Variants in GRID2 observed in about 807,000 individuals in gnomAD.
The protein encoded by GRID2 is glutamate ionotropic receptor delta type subunit 2.
A neutral mutation model predicts 114.8 loss-of-function variants in GRID2; 33 were observed. The ratio of observed to expected loss-of-function variants is 0.29; its 90% CI spans 0.22 to 0.38. The LOEUF (loss-of-function observed/expected upper bound fraction) is 0.38, where lower values mean the gene tolerates loss of function less well. GRID2 is among the 10% of genes least tolerant of loss of function. The pLI is 1.00. For missense variants in GRID2, 1,184 were observed against 1,257.7 expected, an observed-to-expected ratio of 0.94 and a Z score of 0.89; for synonymous variants, 505 against 449.9, an observed-to-expected ratio of 1.12 and a Z score of -1.55.
At chr4:93,719,151 A>G (rs1258709423) in intron 14 of GRID2, among the ~76,000 whole-genome samples, 2 of 151,920 alleles carry the variant, frequency 1.3e-5, no homozygotes, top group Non-Finnish European at 2.9e-5. Context: ...ATATATTACA[A>G]ATATTTCAGA....
intron 1 of GRID2, among the ~76,000 whole-genome samples, chr4:92,404,302 A>G (rs915287567): frequency 6.6e-6 from 1 of 152,066 alleles, no homozygotes; most frequent in African/African-American, 2.4e-5. Context: ...AACAATTCTG[A>G]TTCTAGGGAA....
intron 1 of GRID2, among the ~76,000 whole-genome samples, chr4:92,538,967 G>T (rs927592817): frequency 6.6e-6 from 1 of 151,608 alleles, no homozygotes; most frequent in Non-Finnish European, 1.5e-5. Context: ...GCGTGAGCCT[G>T]GGAGGCGCAG....
chr4:93,008,095 AG>A (rs1214174064), intron 2 of GRID2, among the ~76,000 whole-genome samples: 1 of 151,972 alleles, frequency 6.6e-6, no homozygotes, highest in Non-Finnish European at 1.5e-5. Context: ...GTCAATTTAA[AG>A]CTCAATTAGT....
chr4:92,841,304 A>AT (rs2149410013), intron 2 of GRID2, among the ~76,000 whole-genome samples: 1 of 152,064 alleles, frequency 6.6e-6, no homozygotes, highest in South Asian at 2.1e-4. Flanking sequence ...CCAAATATAT[A>AT]TTTTTTCAAC....
chr4:92,640,618 G>C (rs1731295840), intron 2 of GRID2, among the ~76,000 whole-genome samples: 1 of 151,576 alleles, frequency 6.6e-6, no homozygotes, highest in African/African-American at 2.4e-5. Context: ...TGGCAGCTAG[G>C]GATGAAAAAG....
intron 1 of GRID2, among the ~76,000 whole-genome samples, chr4:92,498,572 C>A (rs1011930762): frequency 6.6e-6 from 1 of 151,598 alleles, no homozygotes; most frequent in Non-Finnish European, 1.5e-5. Context: ...TAAAGTTTTG[C>A]TCAATTGGAT....
intron 4 of GRID2, among the ~76,000 whole-genome samples, chr4:93,149,202 T>C (rs1392908608): frequency 6.6e-6 from 1 of 152,026 alleles, no homozygotes; most frequent in African/African-American, 2.4e-5. Flanking sequence ...AAATTCAAAA[T>C]CTCCATTTTC....
chr4:92,738,645 T>A (rs1736718903), intron 2 of GRID2, among the ~76,000 whole-genome samples: 1 of 152,040 alleles, frequency 6.6e-6, no homozygotes, highest in African/African-American at 2.4e-5. Flanking sequence ...ACCCTCTGAT[T>A]TTCCCTTTTT....
intron 1 of GRID2, among the ~76,000 whole-genome samples, chr4:92,338,070 G>A: frequency 6.6e-6 from 1 of 152,140 alleles, no homozygotes; most frequent in East Asian, 1.9e-4. Context: ...TAGGGATGCT[G>A]CATGGAAGAG....
intron 2 of GRID2, among the ~76,000 whole-genome samples, chr4:92,684,439 C>T (rs1464288468): frequency 6.6e-6 from 1 of 151,886 alleles, no homozygotes; most frequent in East Asian, 1.9e-4. Flanking sequence ...GTATAAATTT[C>T]TGTAAATGAG....
intron 2 of GRID2, among the ~76,000 whole-genome samples, chr4:93,066,758 G>A (rs903890677): frequency 2.2e-4 from 33 of 151,880 alleles, no homozygotes; most frequent in African/African-American, 7.2e-4. Context: ...CTTAAAGGAA[G>A]CACCTTACAG....
chr4:93,787,086 C>A (rs1734608120), intron 1 of GRID2, among the ~76,000 whole-genome samples: 1 of 151,478 alleles, frequency 6.6e-6, no homozygotes, highest in African/African-American at 2.4e-5. Context: ...CTGTTATTCC[C>A]TAGGACTTTG....
intron 14 of GRID2, among the ~76,000 whole-genome samples, chr4:93,694,380 T>G (rs1342261317): frequency 1.3e-5 from 2 of 152,142 alleles, no homozygotes; most frequent in Non-Finnish European, 2.9e-5. Context: ...ATTCAGTAGG[T>G]CTTCCACATC....
At chr4:93,139,226 G>A (rs1164529137) in intron 4 of GRID2, among the ~76,000 whole-genome samples, 2 of 152,204 alleles carry the variant, frequency 1.3e-5, no homozygotes, top group African/African-American at 2.4e-5. Flanking sequence ...CCAGAGGGGT[G>A]AGGGGAGACA....
chr4:93,614,696 G>GT (rs550958133), intron 13 of GRID2, among the ~76,000 whole-genome samples: 3 of 151,564 alleles, frequency 2.0e-5, no homozygotes, highest in Non-Finnish European at 4.4e-5. Flanking sequence ...TTTTAATAAG[G>GT]TTTTTTTTCT....
chr4:92,379,698 G>T (rs746101245), intron 1 of GRID2, among the ~76,000 whole-genome samples: 1 of 151,804 alleles, frequency 6.6e-6, no homozygotes, highest in Non-Finnish European at 1.5e-5. Flanking sequence ...AGATACACTG[G>T]AGTTAACAAA....
rs546187960 is a variant in GRID2, at chr4:93,738,499, G to A, written c.2361-30711G>A. Among the ~76,000 whole-genome samples, 195 of 152,214 alleles carry A rather than the reference G, an allele frequency of 1.3e-3. 2 individuals carry two copies. The Middle Eastern group carries it at 0.024, about 19-fold the overall frequency. On this transcript the variant is annotated intron_variant, in intron 14 of 15. Transcript: ENST00000282020. ...ATGGCTGTGGAGGCGCAACAAGAGG[G>A]TAGATTTTAAATATAACTAGGGGAA...
At chr4:93,058,156 A>G (rs1727440346) in intron 2 of GRID2, among the ~76,000 whole-genome samples, 1 of 93,240 alleles carries the variant, frequency 1.1e-5, no homozygotes, top group Non-Finnish European at 2.2e-5. Context: ...AAAATTTAAT[A>G]ATATGAATAA....
At chr4:92,355,742 G>C (rs1192149299) in intron 1 of GRID2, among the ~76,000 whole-genome samples, 2 of 151,706 alleles carry the variant, frequency 1.3e-5, no homozygotes, top group East Asian at 1.9e-4. Context: ...ACGTAAAATA[G>C]AGATAAAAAC....
Sources: gnomAD v4.1 joint callset for allele counts (sites outside exome capture counted in the v4.1 genomes callset) on GRCh38, gnomAD v4.1.1 for gene constraint, MANE v1.5 for transcripts, NCBI Gene and HGNC (gene_info 2026-07-23, HGNC 2026-07-21) for gene names.